QSER1: variants seen among roughly 807,000 people sequenced by gnomAD.
QSER1 encodes glutamine and serine rich 1.
A neutral mutation model predicts 158.5 loss-of-function variants in QSER1; 49 were observed. That is an observed-to-expected ratio of 0.31 (90% CI 0.25 to 0.39). The LOEUF is 0.39. QSER1 is among the 10% of genes least tolerant of loss of function. The pLI, the probability that QSER1 is intolerant of heterozygous loss-of-function variation, is 1.00. For missense variants in QSER1, 1,754 were observed against 2,010.3 expected, an observed-to-expected ratio of 0.87 and a Z score of 2.44; for synonymous variants, 650 against 715.5, an observed-to-expected ratio of 0.91 and a Z score of 1.46.
At chr11:32,965,194 C>G (rs1348677217) in intron 8 of QSER1, among the ~76,000 whole-genome samples, 1 of 152,118 alleles carries the variant, frequency 6.6e-6, no homozygotes, top group East Asian at 1.9e-4. Context: ...TCTCTGCAGT[C>G]TCAACCTCCG....
In QSER1 at chr11:32,934,755, A is replaced by G. The variant is rs1488195543; in HGVS notation, c.3497A>G (p.Asn1166Ser). The change falls in exon 4 of 13, where the codon AAC becomes AGC. Residue 1166 changes from asparagine (N) to serine (S), a missense_variant. This residue lies in a region of QSER1 where 1,707 missense variants were observed against 1,919.6 expected (regional missense o/e 0.89). Transcript: ENST00000650167. ...GGTGACGACAGTGGTGTGTCAATGAACCCAGCTAGGAGTGCACTTGCACTG... is the reference window on the plus strand; with the variant it reads ...GGTGACGACAGTGGTGTGTCAATGAGCCCAGCTAGGAGTGCACTTGCACTG... ...LGGDDSGVSMNPARSALALLA... is the reference protein window; with the variant it reads ...LGGDDSGVSMSPARSALALLA... 3 of 1,613,862 alleles carry G rather than the reference A, an allele frequency of 1.9e-6. No individual in the cohort carries two copies. In the African/African-American group the frequency reaches 4.0e-5, roughly 22 times the overall value.
In QSER1 at chr11:32,893,923, A is replaced by G. The variant is rs878862090; in HGVS notation, c.209+589A>G. Among the ~76,000 whole-genome samples, 56 of 152,096 alleles carry G rather than the reference A, an allele frequency of 3.7e-4. No homozygotes were observed. The highest frequency in any genetic ancestry group is 1.3e-3 in the African/African-American group (54 of 41,376). On this transcript the variant is annotated intron_variant, in intron 1 of 12. Coordinates refer to ENST00000650167, the MANE Select transcript of QSER1 (RefSeq NM_001076786.3). This position sits in a 1 kb window ranked among gnomAD's most constrained non-coding sequence, Gnocchi z 4.7. ...ACGCGGCTCCAGGGCCGGGTGACAT[A>G]TGTTTGCGCTGGTGGCCAAGATTTA... is the stretch of plus-strand genomic sequence containing the variant.
chr11:32,955,637 T>A (rs1852498459), intron 6 of QSER1, among the ~76,000 whole-genome samples: 1 of 152,178 alleles, frequency 6.6e-6, no homozygotes, highest in South Asian at 2.1e-4. Flanking sequence ...TTAACTTTTT[T>A]TTTTAATAAA....
At chr11:32,930,886 T>C (rs2099710297) in intron 3 of QSER1, among the ~76,000 whole-genome samples, 1 of 152,228 alleles carries the variant, frequency 6.6e-6, no homozygotes, top group African/African-American at 2.4e-5. Flanking sequence ...TAACAGTCTC[T>C]TTCTGACAGT....
intron 3 of QSER1, among the ~76,000 whole-genome samples, chr11:32,929,345 C>T (rs1415069209): frequency 6.6e-6 from 1 of 152,122 alleles, no homozygotes; most frequent in Non-Finnish European, 1.5e-5. Context: ...CTCCTGACCT[C>T]ATTCGATCTG....
At chr11:32,968,036 TGTA>T (rs1297615747) in intron 9 of QSER1, among the ~76,000 whole-genome samples, 2 of 152,214 alleles carry the variant, frequency 1.3e-5, no homozygotes, top group Non-Finnish European at 2.9e-5. Flanking sequence ...TGCTTCTCTT[TGTA>T]GTAGTCATTT....
At chr11:32,966,245 G>C (rs1322451165) in intron 8 of QSER1, 55 bp from the exon 9 acceptor site, 5 of 1,576,004 alleles carry the variant, frequency 3.2e-6, no homozygotes, top group Non-Finnish European at 4.3e-6. Context: ...AGAGAAAAGT[G>C]TTTTTAAAAT....
rs114247101 is a variant in QSER1, at chr11:32,927,185, C to T, written c.238C>T (p.His80Tyr). The change falls in exon 2 of 13, where the codon CAC (histidine) becomes TAC (tyrosine). Residue 80 changes from histidine to tyrosine, a missense_variant. Around this residue, in one of 2 missense-constraint regions of QSER1, gnomAD observed 1,707 missense variants for 1,919.6 expected, o/e 0.89. Transcript: ENST00000650167. ...AAGCTATGAAGAAGGACATCCCTCA[C>T]ACTCTGAAACAGATCTCCTTCAGAG... is the stretch of plus-strand genomic sequence containing the variant. ...SLSYEEGHPS[H>Y]SETDLLQRQS... 8.6e-4 allele frequency: 132 copies of T among 152,728 alleles called. No homozygotes were observed. The highest frequency in any genetic ancestry group is 3.1e-3 in the African/African-American group (127 of 41,554). 9.5% of individuals were successfully genotyped at this position (152,728 alleles called of 1,614,324 possible). A position where few individuals can be genotyped will look rare whatever the true frequency, so the allele number is the denominator to read the frequency against.
Position 32,944,589 on chromosome 11 carries a change from T to C in QSER1, c.4177+9154T>C, listed in dbSNP as rs994207346. ...CCTGAGTTCTAGTTTGATTGCACTG[T>C]GGTCTGAGAGATAGTTTGTTATAAT... On this transcript the variant is annotated intron_variant, in intron 4 of 12. Transcript: ENST00000650167. Among the ~76,000 whole-genome samples, 194 of 151,568 alleles carry C rather than the reference T, an allele frequency of 1.3e-3. 1 individual carries two copies. Among genetic ancestry groups the C allele is most frequent in the African/African-American group, 4.6e-3 (192 of 41,350 alleles).
intron 4 of QSER1, among the ~76,000 whole-genome samples, chr11:32,940,289 A>G (rs1852210601): frequency 6.6e-6 from 1 of 152,112 alleles, no homozygotes; most frequent in South Asian, 2.1e-4. Context: ...CTGGCCAGAA[A>G]GTTAGGGTTT....
rs942173305 is a variant in QSER1, at chr11:32,935,169, G to A, written c.3911G>A (p.Arg1304Lys). Residue 1304 changes from arginine to lysine, a missense_variant, in exon 4 of 13, where the codon AGG becomes AAG. Physicochemically the swap from Arg to Lys is conservative, Grantham distance 26. Coordinates refer to ENST00000650167, the MANE Select transcript of QSER1 (RefSeq NM_001076786.3). ...FSTLAVRMPNRTRRPGTQMVR... is the reference protein window; with the variant it reads ...FSTLAVRMPNKTRRPGTQMVR... ...ACTCTTGCTGTACGAATGCCTAACAGGACTAGACGGCCAGGGACCCAGATG... is the reference window on the plus strand; with the variant it reads ...ACTCTTGCTGTACGAATGCCTAACAAGACTAGACGGCCAGGGACCCAGATG... 1 of 1,614,062 alleles carries A rather than the reference G, an allele frequency of 6.2e-7. No individual in the cohort carries two copies. Among genetic ancestry groups the A allele is most frequent in the Non-Finnish European group, 8.5e-7 (1 of 1,179,990 alleles).
chr11:32,914,782 AT>A (rs925692999), intron 1 of QSER1, among the ~76,000 whole-genome samples: 7 of 152,148 alleles, frequency 4.6e-5, no homozygotes, highest in Non-Finnish European at 1.0e-4. Flanking sequence ...TTTTAGATGA[AT>A]TTTTTGCCTC....
chr11:32,938,761 A>C (rs1852189246), intron 4 of QSER1, among the ~76,000 whole-genome samples: 2 of 152,156 alleles, frequency 1.3e-5, no homozygotes, highest in African/African-American at 2.4e-5. Context: ...TTTCTAGTAA[A>C]GTTTGTGATA....
chr11:32,953,288 A>G (rs1852454700), intron 4 of QSER1, among the ~76,000 whole-genome samples: 1 of 149,330 alleles, frequency 6.7e-6, no homozygotes, highest in African/African-American at 2.5e-5. Flanking sequence ...TTCATCTTCT[A>G]TGAAGAGTCA....
rs771424512 is a variant in QSER1 at position 32,933,035 on chromosome 11, G to A, written c.1777G>A (p.Glu593Lys). The A allele has an allele frequency of 2.5e-5, 41 of 1,612,546 alleles. No individual in the cohort carries two copies. The highest frequency in any genetic ancestry group is 2.7e-5 in the African/African-American group (2 of 74,914). ...TCTTTCAGAAAGCTATGCTTCAGGG[G>A]AGTCCCTAACATTAACAGCCCCTTC... ...VSLSESYASG[E>K]SLTLTAPSLS... Residue 593 changes from glutamate (E) to lysine (K), a missense_variant, in exon 4 of 13, where the codon GAG (glutamate) becomes AAG (lysine). Transcript: ENST00000650167.
chr11:32,948,545 G>C (rs1852373372), intron 4 of QSER1, among the ~76,000 whole-genome samples: 1 of 152,120 alleles, frequency 6.6e-6, no homozygotes, highest in Non-Finnish European at 1.5e-5. Flanking sequence ...AGGAGTATCG[G>C]GTGAGCCCAG....
chr11:32,960,636 A>G (rs2133592054), intron 8 of QSER1, among the ~76,000 whole-genome samples: 1 of 152,338 alleles, frequency 6.6e-6, no homozygotes, highest in East Asian at 1.9e-4. Flanking sequence ...AGAAGGCATT[A>G]TACATAATTT....
intron 8 of QSER1, 34 bp from the exon 9 acceptor site, chr11:32,966,266 G>GA (rs747372983): frequency 6.0e-5 from 96 of 1,594,532 alleles, no homozygotes; most frequent in Non-Finnish European, 8.1e-5. Flanking sequence ...TGTCAGGAAG[G>GA]AAAATTTAAT....
At chr11:32,971,861 A>C (rs1440811740) in intron 10 of QSER1, among the ~76,000 whole-genome samples, 1 of 152,138 alleles carries the variant, frequency 6.6e-6, no homozygotes, top group African/African-American at 2.4e-5. Context: ...CAGGAGATCG[A>C]GACCATCCTG....
Sources: allele counts gnomAD v4.1 joint callset (sites outside exome capture counted in the v4.1 genomes callset), GRCh38; gene constraint gnomAD v4.1.1; regional missense constraint gnomAD v4.1.1; non-coding constraint Gnocchi (gnomAD v3.1); transcripts MANE v1.5; gene names NCBI Gene and HGNC (gene_info 2026-07-23, HGNC 2026-07-21).